The following NR3C2 variants were observed in gnomAD, a reference collection of about 807,000 sequenced individuals.
NR3C2 encodes the protein nuclear receptor subfamily 3 group C member 2.
Under a neutral mutation model 86.4 loss-of-function variants are expected in NR3C2, and 15 were observed. That is an observed-to-expected ratio of 0.17 (90% CI 0.12 to 0.27). The LOEUF is 0.27. NR3C2 is among the 10% of genes least tolerant of loss of function. The pLI is 1.00. For synonymous variants in NR3C2, 458 were observed against 450.5 expected (o/e 1.02, Z -0.21); for missense variants, 960 against 1,195.6 (o/e 0.80, Z 2.91).
chr4:148,140,498 T>G (rs1733557284), intron 6 of NR3C2, among the ~76,000 whole-genome samples: 1 of 152,182 alleles, frequency 6.6e-6, no homozygotes, highest in South Asian at 2.1e-4. Flanking sequence ...GCTACTACAC[T>G]GCCTGGGCAA....
At chr4:148,129,063 C>T (rs527551039) in intron 6 of NR3C2, among the ~76,000 whole-genome samples, 11 of 152,066 alleles carry the variant, frequency 7.2e-5, no homozygotes, top group Middle Eastern at 3.2e-3. Flanking sequence ...AGCAGGCCAT[C>T]GAGGGGATAT....
At chr4:148,154,482 G>T in intron 5 of NR3C2, 69 bp downstream of exon 5, 1 of 1,410,534 alleles carries the variant, frequency 7.1e-7, no homozygotes, top group Non-Finnish European at 1.0e-6. Context: ...CATGGTTGGA[G>T]ATGGCGAAGT....
intron 3 of NR3C2, among the ~76,000 whole-genome samples, chr4:148,209,671 G>C (rs1212343318): frequency 6.6e-6 from 1 of 152,152 alleles, no homozygotes; most frequent in East Asian, 1.9e-4. Context: ...AAGACTCATT[G>C]ATTTTAGAGT....
chr4:148,140,947 ATATTAACATACAGCAGTACTCT>A (rs1037034759), intron 6 of NR3C2, among the ~76,000 whole-genome samples: 1 of 152,248 alleles, frequency 6.6e-6, no homozygotes, highest in African/African-American at 2.4e-5. Flanking sequence ...CATACATGGA[ATATTAACATACAGCAGTACTCT>A]TGAAGTAAAA....
At chr4:148,099,564 C>CAGG (rs1189834948) in intron 8 of NR3C2, among the ~76,000 whole-genome samples, 8 of 152,278 alleles carry the variant, frequency 5.3e-5, no homozygotes, top group Non-Finnish European at 7.4e-5. Context: ...GGAATTAAGA[C>CAGG]AGGAGGGTGA....
At chr4:148,253,013 C>T (rs1251292704) in intron 3 of NR3C2, among the ~76,000 whole-genome samples, 2 of 151,202 alleles carry the variant, frequency 1.3e-5, no homozygotes, top group Admixed American at 6.6e-5. Flanking sequence ...ATTTAAGCTA[C>T]AAGCAGCTGT....
At chr4:148,313,392 T>A (rs1743000790) in intron 2 of NR3C2, among the ~76,000 whole-genome samples, 1 of 152,210 alleles carries the variant, frequency 6.6e-6, no homozygotes, top group African/African-American at 2.4e-5. Flanking sequence ...AGTAGAGGAC[T>A]ATAATATGCT....
chr4:148,126,778 C>CTATAGAGACTATAGCTCCATAGCTATA (rs1246944717), intron 6 of NR3C2, among the ~76,000 whole-genome samples: 1 of 152,222 alleles, frequency 6.6e-6, no homozygotes, highest in East Asian at 1.9e-4. Flanking sequence ...CCATAGCTAT[C>CTATAGAGACTATAGCTCCATAGCTATA]ATTTATGGAT....
At chr4:148,147,103 T>C (rs1458189510) in intron 6 of NR3C2, among the ~76,000 whole-genome samples, 1 of 152,218 alleles carries the variant, frequency 6.6e-6, no homozygotes, top group African/African-American at 2.4e-5. Context: ...AAGTTTTGAG[T>C]TTATAATAAG....
intron 2 of NR3C2, among the ~76,000 whole-genome samples, chr4:148,288,022 GATTTCCATAAAATC>G (rs1440164824): frequency 5.3e-5 from 8 of 152,160 alleles, no homozygotes; most frequent in Admixed American, 4.6e-4. Flanking sequence ...AAACCAAAAT[GATTTCCATAAAATC>G]ATTTCCATAA....
At chr4:148,396,356 TCATC>T (rs1747860547) in intron 2 of NR3C2, among the ~76,000 whole-genome samples, 1 of 152,180 alleles carries the variant, frequency 6.6e-6, no homozygotes, top group Admixed American at 6.5e-5. Flanking sequence ...TTTCTTCACT[TCATC>T]CATTAAAATT....
At chr4:148,097,125 AC>A (rs1731312340) in intron 8 of NR3C2, among the ~76,000 whole-genome samples, 2 of 152,322 alleles carry the variant, frequency 1.3e-5, no homozygotes, top group South Asian at 4.1e-4. Context: ...CCTTTAGGAA[AC>A]GCCTTAGAAA....
intron 2 of NR3C2, among the ~76,000 whole-genome samples, chr4:148,307,795 T>A (rs1416578016): frequency 6.6e-6 from 1 of 151,568 alleles, no homozygotes; most frequent in Non-Finnish European, 1.5e-5. Flanking sequence ...ATGTTTTAGA[T>A]AAGCTTACAT....
intron 2 of NR3C2, among the ~76,000 whole-genome samples, chr4:148,270,740 T>G (rs1740638718): frequency 6.6e-6 from 1 of 152,146 alleles, no homozygotes; most frequent in African/African-American, 2.4e-5. Flanking sequence ...GTCAGTAGAT[T>G]TGGATGACTG....
Position 148,275,183 on chromosome 4 carries a change from G to C in NR3C2, c.1758-15066C>G, listed in dbSNP as rs77830928. On this transcript the variant is annotated intron_variant, in intron 2 of 8. Coordinates refer to ENST00000358102, the MANE Select transcript of NR3C2 (RefSeq NM_000901.5). ...ATTTGCTTATGACACAGTTGCAAAG[G>C]GTTACTTTAAAGTACACAGGTCAGT... 4.6e-5 allele frequency among the ~76,000 whole-genome samples: 7 copies of C among 152,250 alleles called. No individual in the cohort carries two copies. The East Asian group carries it at 1.2e-3, about 25-fold the overall frequency.
intron 2 of NR3C2, among the ~76,000 whole-genome samples, chr4:148,320,854 A>C (rs1164659356): frequency 2.7e-5 from 4 of 150,370 alleles, no homozygotes; most frequent in African/African-American, 7.4e-5. Flanking sequence ...ATTTTTTGAA[A>C]GGTTTTTTGT....
At chr4:148,365,717 AT>A (rs1746080074) in intron 2 of NR3C2, among the ~76,000 whole-genome samples, 1 of 150,420 alleles carries the variant, frequency 6.6e-6, no homozygotes, top group South Asian at 2.1e-4. Context: ...TGATATGAAA[AT>A]ATCTATAATT....
intron 6 of NR3C2, among the ~76,000 whole-genome samples, chr4:148,137,165 G>A (rs978296944): frequency 3.2e-4 from 49 of 152,088 alleles, no homozygotes; most frequent in African/African-American, 1.2e-3. Flanking sequence ...CACTGGTATG[G>A]TAGCACTATA....
At position 148,383,649 on chromosome 4, in the gene NR3C2, G is replaced by C. The variant is rs572806520; in HGVS notation, c.1757+51455C>G. Among the ~76,000 whole-genome samples, 10 of 152,104 alleles carry C rather than the reference G, an allele frequency of 6.6e-5. No individual in the cohort carries two copies. The South Asian group carries it at 2.1e-3, about 32-fold the overall frequency. ...CCAAGGACACAGTTTAACTTCACAG[G>C]GTCTGTAAATAAGCACCTTTTGGAC... On this transcript the variant is annotated intron_variant, in intron 2 of 8. Coordinates refer to ENST00000358102, the MANE Select transcript of NR3C2 (RefSeq NM_000901.5).
Sources: gnomAD v4.1 joint callset for allele counts (sites outside exome capture counted in the v4.1 genomes callset) on GRCh38, gnomAD v4.1.1 for gene constraint, MANE v1.5 for transcripts, NCBI Gene and HGNC (gene_info 2026-07-23, HGNC 2026-07-21) for gene names.